ABCC2: variants seen among roughly 807,000 people sequenced by gnomAD.
The protein encoded by ABCC2 is ATP-binding cassette sub-family C member 2.
In ABCC2, 157 loss-of-function variants were observed where a neutral mutation model predicts 173.4. That is an observed-to-expected ratio of 0.91 (90% CI 0.80 to 1.03). The LOEUF is 1.03. Ranked by LOEUF, ABCC2 falls within the 50% of genes least tolerant of loss-of-function variation. The pLI, the probability that ABCC2 is intolerant of heterozygous loss-of-function variation, is 0.00. For missense variants in ABCC2, 1,822 were observed against 1,852.3 expected (o/e 0.98, Z 0.30); for synonymous variants, 657 against 693.5 (o/e 0.95, Z 0.83).
At chr10:99,842,870 T>G (rs2038967181) in intron 26 of ABCC2, among the ~76,000 whole-genome samples, 1 of 151,938 alleles carries the variant, frequency 6.6e-6, no homozygotes, top group South Asian at 2.1e-4. Flanking sequence ...GCCAACATGG[T>G]GAAACCCCAT....
intron 25 of ABCC2, among the ~76,000 whole-genome samples, chr10:99,837,089 C>T (rs1476008457): frequency 1.3e-5 from 2 of 150,808 alleles, no homozygotes; most frequent in Non-Finnish European, 2.9e-5. Flanking sequence ...CATACACATG[C>T]TGGAATTATT....
rs748974847 is a variant in ABCC2, at chr10:99,814,628, C to CACAT, written c.2094+1485_2094+1486insCATA. The stretch of plus-strand genomic sequence containing the variant: ...ATATGTGTATATACACATATACACA[C>CACAT]ATATGTGTATATACACATATACACA... On this transcript the variant is annotated intron_variant, in intron 16 of 31. Transcript: ENST00000647814. 2.1e-3 allele frequency among the ~76,000 whole-genome samples: 176 copies of CACAT among 84,424 alleles called. 28 individuals carry two copies. Among genetic ancestry groups the CACAT allele is most frequent in the African/African-American group, 8.7e-3 (156 of 17,866 alleles). The allele number at this position is 84,424 out of a possible 152,430, so 55.4% of individuals were successfully genotyped here. A position where few individuals can be genotyped will look rare whatever the true frequency, so the allele number is the denominator to read the frequency against.
intron 3 of ABCC2, 32 bp from the exon 4 acceptor site, chr10:99,793,518 AT>A (rs2037842542): frequency 6.2e-7 from 1 of 1,613,664 alleles, no homozygotes; most frequent in African/African-American, 1.3e-5. Context: ...TAGTGGCAGT[AT>A]TCTTCAGAAC....
intron 6 of ABCC2, among the ~76,000 whole-genome samples, chr10:99,795,797 A>G (rs11190287): frequency 5.7e-4 from 26 of 45,626 alleles, no homozygotes; most frequent in Admixed American, 3.9e-3. Flanking sequence ...GAAAGAAAGA[A>G]AGAAAGATTT....
intron 6 of ABCC2, 29 bp downstream of exon 6, chr10:99,794,497 G>T: frequency 6.3e-7 from 1 of 1,576,922 alleles, no homozygotes. Context: ...TGGATTGGCT[G>T]TATCCTTACT....
At chr10:99,812,262 T>C (rs968631090) in intron 15 of ABCC2, among the ~76,000 whole-genome samples, 27 of 152,218 alleles carry the variant, frequency 1.8e-4, no homozygotes, top group African/African-American at 6.3e-4. Context: ...GCACATGCTC[T>C]GAACCTTCCT....
intron 1 of ABCC2, among the ~76,000 whole-genome samples, chr10:99,783,762 C>T (rs1189811755): frequency 6.6e-6 from 1 of 152,088 alleles, no homozygotes; most frequent in Non-Finnish European, 1.5e-5. Flanking sequence ...ACCCTCGAGG[C>T]CAGGAGTGTA....
chr10:99,816,030 G>A (rs982097385), intron 16 of ABCC2, among the ~76,000 whole-genome samples: 3 of 147,528 alleles, frequency 2.0e-5, no homozygotes, highest in South Asian at 2.2e-4. Flanking sequence ...GTGCAGTGGC[G>A]TGATCTCGGC....
chr10:99,796,604 G>T (rs936456025), intron 6 of ABCC2, among the ~76,000 whole-genome samples: 2 of 152,160 alleles, frequency 1.3e-5, no homozygotes, highest in Admixed American at 6.6e-5. Flanking sequence ...GAATCACTTT[G>T]AAGCCGGGAG....
At chr10:99,802,711 G>A (rs2038033017) in intron 9 of ABCC2, among the ~76,000 whole-genome samples, 1 of 152,170 alleles carries the variant, frequency 6.6e-6, no homozygotes, top group Admixed American at 6.5e-5. Flanking sequence ...CTTGTAGCCT[G>A]TACACTGTCT....
At chr10:99,798,758 C>G (rs775342774) in intron 7 of ABCC2, among the ~76,000 whole-genome samples, 2 of 152,060 alleles carry the variant, frequency 1.3e-5, no homozygotes, top group African/African-American at 4.8e-5. Context: ...GACCTTCTTT[C>G]GAAATAAGGC....
Position 99,819,152 on chromosome 10 carries a change from G to A in ABCC2, c.2503G>A (p.Gly835Arg). Residue 835 changes from glycine to arginine, a missense_variant, in exon 19 of 32, where the codon GGG (glycine) becomes AGG (arginine). Coordinates refer to ENST00000647814, the MANE Select transcript of ABCC2 (RefSeq NM_000392.5). ...TCAAGTGGATGAGATTGTAGTTCTGGGGAATGGAACAATTGTAGAGAAAGG... is the reference window on the plus strand; with the variant it reads ...TCAAGTGGATGAGATTGTAGTTCTGAGGAATGGAACAATTGTAGAGAAAGG... ...LPQVDEIVVL[G>R]NGTIVEKGSY... 1 of 1,614,122 alleles carries A rather than the reference G, an allele frequency of 6.2e-7. No individual in the cohort carries two copies. The highest frequency in any genetic ancestry group is 8.5e-7 in the Non-Finnish European group (1 of 1,180,008).
chr10:99,809,998 G>A (rs886995119), intron 13 of ABCC2, 136 bp from the exon 14 acceptor site: 10 of 750,688 alleles, frequency 1.3e-5, no homozygotes, highest in South Asian at 3.0e-5. Context: ...GATAGCTTCC[G>A]GGGCTGAGTT....
chr10:99,799,607 C>T (rs888780016), intron 8 of ABCC2, among the ~76,000 whole-genome samples: 5 of 152,092 alleles, frequency 3.3e-5, no homozygotes, highest in African/African-American at 9.7e-5. Flanking sequence ...CATAGGGGGC[C>T]GGGTAATTGT....
chr10:99,796,052 A>T (rs933473677), intron 6 of ABCC2, among the ~76,000 whole-genome samples: 1 of 152,146 alleles, frequency 6.6e-6, no homozygotes, highest in African/African-American at 2.4e-5. Context: ...CTCCTGGCTA[A>T]GAGCCCTGAT....
intron 9 of ABCC2, among the ~76,000 whole-genome samples, chr10:99,800,781 C>T (rs1394519773): frequency 6.6e-6 from 1 of 152,174 alleles, no homozygotes; most frequent in East Asian, 1.9e-4. Context: ...AACGTACTCC[C>T]CAGGGAGAAG....
chr10:99,812,802 T>G (rs952768073), intron 15 of ABCC2, among the ~76,000 whole-genome samples: 1 of 152,198 alleles, frequency 6.6e-6, no homozygotes, highest in African/African-American at 2.4e-5. Flanking sequence ...AAATTAGGGC[T>G]CATTAGGGCT....
Position 99,797,262 on chromosome 10 carries a change from G to A in ABCC2, c.798G>A (p.Gln266=), listed in dbSNP as rs2037932691. 1 of 1,614,052 alleles carries A rather than the reference G, an allele frequency of 6.2e-7. No homozygotes were observed. Among genetic ancestry groups the A allele is most frequent in the Non-Finnish European group, 8.5e-7 (1 of 1,179,972 alleles). The stretch of plus-strand genomic sequence containing the variant: ...AGAGACGGCAGGAGAAGAGCTCCCA[G>A]CAGAACTCTGGAGCCAGGCTGCCTG... ...ALQRRQEKSS[Q]QNSGARLPGL... Residue 266 remains glutamine (Q), a synonymous_variant, in exon 7 of 32, where the codon CAG becomes CAA. Transcript: ENST00000647814.
At chr10:99,791,459 A>T (rs1477357739) in intron 2 of ABCC2, among the ~76,000 whole-genome samples, 2 of 152,178 alleles carry the variant, frequency 1.3e-5, no homozygotes, top group African/African-American at 4.8e-5. Context: ...TGCCTTTTAA[A>T]CCTAGTACTT....
Sources: gnomAD v4.1 joint callset for allele counts (sites outside exome capture counted in the v4.1 genomes callset) on GRCh38, gnomAD v4.1.1 for gene constraint, MANE v1.5 for transcripts, NCBI Gene and HGNC (gene_info 2026-07-23, HGNC 2026-07-21) for gene names.